Variants in WWOX observed in about 807,000 individuals in gnomAD.
WWOX encodes the protein WW domain-containing oxidoreductase.
A neutral mutation model predicts 46.2 loss-of-function variants in WWOX; 69 were observed. That is an observed-to-expected ratio of 1.49 (90% CI 1.23 to 1.82). The LOEUF is 1.82. Among genes scored for constraint, WWOX ranks in the 40% most tolerant of loss-of-function variants. WWOX has a pLI of 0.00. For synonymous variants in WWOX, 359 were observed against 202.6 expected, an observed-to-expected ratio of 1.77 and a Z score of -6.56; for missense variants, 919 against 542.6, an observed-to-expected ratio of 1.69 and a Z score of -6.89.
At chr16:79,037,156 C>T (rs1043644539) in intron 8 of WWOX, among the ~76,000 whole-genome samples, 14 of 152,172 alleles carry the variant, frequency 9.2e-5, no homozygotes, top group African/African-American at 3.1e-4. Context: ...CACAAAGCTG[C>T]CTTGACTGCC....
At chr16:78,901,851 G>C (rs979409565) in intron 8 of WWOX, among the ~76,000 whole-genome samples, 4 of 152,220 alleles carry the variant, frequency 2.6e-5, no homozygotes, top group Non-Finnish European at 5.9e-5. Flanking sequence ...GGATAGAGGA[G>C]GGATGACGTG....
At chr16:79,206,400 G>A (rs937849771) in intron 8 of WWOX, 1 of 152,214 alleles carries the variant, frequency 6.6e-6, no homozygotes, top group Non-Finnish European at 1.5e-5. Context: ...GTAATTATCT[G>A]TATGGCTTTG....
chr16:78,979,613 T>C (rs1345172680), intron 8 of WWOX, among the ~76,000 whole-genome samples: 1 of 152,164 alleles, frequency 6.6e-6, no homozygotes, highest in Non-Finnish European at 1.5e-5. Context: ...TGGGAGTTTC[T>C]ACCGATGCTC....
At chr16:78,494,962 C>G (rs1362151954) in intron 8 of WWOX, among the ~76,000 whole-genome samples, 2 of 152,150 alleles carry the variant, frequency 1.3e-5, no homozygotes, top group African/African-American at 4.8e-5. Flanking sequence ...TCACCGCCAT[C>G]AGATGAGTGG....
chr16:78,117,346 C>T (rs76758873), intron 4 of WWOX, among the ~76,000 whole-genome samples: 1 of 152,060 alleles, frequency 6.6e-6, no homozygotes, highest in African/African-American at 2.4e-5. Flanking sequence ...CTGTCACCTT[C>T]CGCAGGAATG....
At chr16:78,582,383 T>G (rs573306452) in intron 8 of WWOX, among the ~76,000 whole-genome samples, 1 of 152,356 alleles carries the variant, frequency 6.6e-6, no homozygotes, top group African/African-American at 2.4e-5. Context: ...CAATGAGTAT[T>G]TCTTACAAAG....
intron 5 of WWOX, among the ~76,000 whole-genome samples, chr16:78,363,470 T>C (rs769339259): frequency 1.3e-5 from 2 of 151,896 alleles, no homozygotes; most frequent in Non-Finnish European, 2.9e-5. Context: ...GTAGTGACAG[T>C]GTCTTGCTGT....
intron 8 of WWOX, among the ~76,000 whole-genome samples, chr16:79,052,556 G>C (rs1334034108): frequency 1.3e-5 from 2 of 152,304 alleles, no homozygotes; most frequent in Non-Finnish European, 2.9e-5. Context: ...TGGTAGACTG[G>C]ATTAAGAAAA....
chr16:78,969,894 C>T (rs942087977), intron 8 of WWOX, among the ~76,000 whole-genome samples: 109 of 152,076 alleles, frequency 7.2e-4, no homozygotes, highest in Non-Finnish European at 1.2e-4. Flanking sequence ...AGCAGGATTC[C>T]TTCTAAAGCA....
chr16:78,637,051 C>T (rs2046589355), intron 8 of WWOX, among the ~76,000 whole-genome samples: 1 of 152,220 alleles, frequency 6.6e-6, no homozygotes, highest in Admixed American at 6.5e-5. Flanking sequence ...TCATCTGCAG[C>T]ACACCAAGGA....
intron 1 of WWOX, among the ~76,000 whole-genome samples, chr16:78,107,769 A>G (rs936456651): frequency 3.3e-4 from 51 of 152,326 alleles, no homozygotes; most frequent in African/African-American, 1.2e-3. Flanking sequence ...CAGGAGTTCC[A>G]GTCCAGCCTG....
Position 79,173,417 on chromosome 16 carries a change from C to T in WWOX, c.1057-38191C>T, listed in dbSNP as rs568657466. On this transcript the variant is annotated intron_variant, in intron 8 of 8. Transcript: ENST00000566780. Reference sequence around the variant, plus strand: ...CACATGGGTCTCTTTCACACACCCACGTGCATGACCCAAGTGAGCAAACAG... The same window carrying T: ...CACATGGGTCTCTTTCACACACCCATGTGCATGACCCAAGTGAGCAAACAG... Among the ~76,000 whole-genome samples, 28 of 152,324 alleles carry T rather than the reference C, an allele frequency of 1.8e-4. No individual in the cohort carries two copies. In the East Asian group the frequency reaches 2.7e-3, roughly 15 times the overall value.
At chr16:78,239,282 G>A (rs952436825) in intron 5 of WWOX, among the ~76,000 whole-genome samples, 5 of 152,142 alleles carry the variant, frequency 3.3e-5, no homozygotes, top group Non-Finnish European at 5.9e-5. Flanking sequence ...GACAGATGCT[G>A]GCAGAGATGG....
At chr16:78,522,093 C>G (rs560313493) in intron 8 of WWOX, among the ~76,000 whole-genome samples, 194 of 147,692 alleles carry the variant, frequency 1.3e-3, no homozygotes, top group African/African-American at 4.5e-3. Context: ...AGCCTGTGCT[C>G]TTTTCATATA....
At chr16:78,511,560 A>AT (rs1367733227) in intron 8 of WWOX, among the ~76,000 whole-genome samples, 1 of 152,186 alleles carries the variant, frequency 6.6e-6, no homozygotes, top group Admixed American at 6.5e-5. Flanking sequence ...GAGTGATTAC[A>AT]GCACGTCCTC....
Position 78,929,973 on chromosome 16 carries a change from C to T in WWOX, c.1057-281635C>T, listed in dbSNP as rs561356755. On this transcript the variant is annotated intron_variant, in intron 8 of 8. Coordinates refer to ENST00000566780, the MANE Select transcript of WWOX (RefSeq NM_016373.4). ...GTGCTAACTGCCCTTGCAGCTAGCT[C>T]TCTGTGACCGTGTGACCATGTGACC... is the stretch of plus-strand genomic sequence containing the variant. Among the ~76,000 whole-genome samples the T allele has an allele frequency of 2.0e-5, 3 of 152,128 alleles. No individual in the cohort carries two copies. The East Asian group carries it at 5.8e-4, about 29-fold the overall frequency.
intron 8 of WWOX, among the ~76,000 whole-genome samples, chr16:78,894,994 G>T (rs964124857): frequency 3.9e-5 from 6 of 152,146 alleles, no homozygotes; most frequent in African/African-American, 1.4e-4. Context: ...ACAGAAGCTG[G>T]AGATCCCATC....
intron 5 of WWOX, among the ~76,000 whole-genome samples, chr16:78,232,014 A>T (rs898843887): frequency 2.0e-5 from 3 of 152,198 alleles, no homozygotes; most frequent in African/African-American, 7.2e-5. Flanking sequence ...GTACCTGTGA[A>T]TAAGGCAAGT....
chr16:78,882,392 C>G (rs571696247), intron 8 of WWOX, among the ~76,000 whole-genome samples: 2 of 152,180 alleles, frequency 1.3e-5, no homozygotes, highest in South Asian at 4.2e-4. Flanking sequence ...ATCTTCCATC[C>G]TCTATTTTAT....
Sources: gnomAD v4.1 joint callset for allele counts (sites outside exome capture counted in the v4.1 genomes callset) on GRCh38, gnomAD v4.1.1 for gene constraint, MANE v1.5 for transcripts, NCBI Gene and HGNC (gene_info 2026-07-23, HGNC 2026-07-21) for gene names.